CHRM3: variants seen among roughly 807,000 people sequenced by gnomAD.
CHRM3 encodes the protein muscarinic acetylcholine receptor M3.
CHRM3 carries 11 observed loss-of-function variants against 41.8 expected under a neutral mutation model. The ratio of observed to expected loss-of-function variants is 0.26; its 90% CI spans 0.17 to 0.44. The LOEUF (loss-of-function observed/expected upper bound fraction) is 0.44. Ranked by LOEUF, CHRM3 falls within the 20% of genes least tolerant of loss-of-function variation. The pLI is 1.00. For missense variants in CHRM3, 571 were observed against 745.4 expected (o/e 0.77, Z 2.72); for synonymous variants, 297 against 301.4 (o/e 0.99, Z 0.15).
At chr1:239,430,847 G>T (rs1662783366) in intron 1 of CHRM3, among the ~76,000 whole-genome samples, 1 of 151,760 alleles carries the variant, frequency 6.6e-6, no homozygotes, top group Admixed American at 6.6e-5. Context: ...TCTATAATAG[G>T]TGAATTTTGA....
intron 4 of CHRM3, among the ~76,000 whole-genome samples, chr1:239,642,355 G>C (rs1022921995): frequency 1.3e-5 from 2 of 152,056 alleles, no homozygotes; most frequent in Non-Finnish European, 2.9e-5. Flanking sequence ...ATATCCGGCA[G>C]AGTGTTTTCC....
intron 4 of CHRM3, among the ~76,000 whole-genome samples, chr1:239,655,698 C>G (rs1672649120): frequency 1.3e-5 from 2 of 152,154 alleles, no homozygotes; most frequent in African/African-American, 4.8e-5. Context: ...AGTTCATTAT[C>G]CTGGACAATC....
intron 5 of CHRM3, among the ~76,000 whole-genome samples, chr1:239,775,170 G>C (rs1053221205): frequency 6.6e-6 from 1 of 152,060 alleles, no homozygotes; most frequent in African/African-American, 2.4e-5. Flanking sequence ...CTTTTGGTAA[G>C]TTTATTTTAA....
chr1:239,485,463 T>C (rs1160978136), intron 1 of CHRM3, among the ~76,000 whole-genome samples: 3 of 152,140 alleles, frequency 2.0e-5, no homozygotes, highest in Admixed American at 6.6e-5. Flanking sequence ...TTTAAATGTT[T>C]GTAGAGATGA....
intron 3 of CHRM3, among the ~76,000 whole-genome samples, chr1:239,556,705 A>G (rs1395137768): frequency 6.6e-6 from 1 of 152,192 alleles, no homozygotes; most frequent in Non-Finnish European, 1.5e-5. Context: ...GAATACATCC[A>G]CAGCTTCCAC....
intron 6 of CHRM3, among the ~76,000 whole-genome samples, chr1:239,860,108 A>C (rs1221363680): frequency 6.6e-6 from 1 of 152,106 alleles, no homozygotes; most frequent in Non-Finnish European, 1.5e-5. Context: ...AGCCTAAAAA[A>C]TTGGCAGATG....
chr1:239,469,625 C>CT (rs1665972452), intron 1 of CHRM3, among the ~76,000 whole-genome samples: 1 of 152,070 alleles, frequency 6.6e-6, no homozygotes, highest in Non-Finnish European at 1.5e-5. Context: ...GGCACAGTCT[C>CT]GGCTCACTGC....
chr1:239,806,463 T>C (rs1572354678), intron 5 of CHRM3, among the ~76,000 whole-genome samples: 1 of 149,434 alleles, frequency 6.7e-6, no homozygotes, highest in Non-Finnish European at 1.5e-5. Flanking sequence ...CATCCAGAGA[T>C]TGTAATTGTT....
intron 5 of CHRM3, among the ~76,000 whole-genome samples, chr1:239,708,549 G>C (rs1407624535): frequency 6.6e-6 from 1 of 151,928 alleles, no homozygotes; most frequent in East Asian, 1.9e-4. Context: ...CCACCCCTGG[G>C]ACTCTCTAAA....
chr1:239,869,563 C>T (rs1324891156), intron 6 of CHRM3, among the ~76,000 whole-genome samples: 6 of 152,120 alleles, frequency 3.9e-5, no homozygotes, highest in African/African-American at 7.2e-5. Flanking sequence ...TCCCCTGTGG[C>T]GTGGCCCAGC....
chr1:239,530,052 C>T (rs1455309446), intron 2 of CHRM3, among the ~76,000 whole-genome samples: 1 of 152,058 alleles, frequency 6.6e-6, no homozygotes, highest in Non-Finnish European at 1.5e-5. Flanking sequence ...TGCCCGCCAC[C>T]ATGCCCAGCT....
intron 5 of CHRM3, among the ~76,000 whole-genome samples, chr1:239,797,530 G>A (rs1306043468): frequency 2.0e-5 from 3 of 152,148 alleles, no homozygotes; most frequent in Non-Finnish European, 4.4e-5. Flanking sequence ...GACTTTATGT[G>A]TTTGATGACT....
chr1:239,702,712 G>A (rs982517969), intron 5 of CHRM3, among the ~76,000 whole-genome samples: 7 of 152,238 alleles, frequency 4.6e-5, no homozygotes, highest in African/African-American at 9.6e-5. Flanking sequence ...CTGGGTTCAA[G>A]TGAGTCTCAT....
intron 3 of CHRM3, among the ~76,000 whole-genome samples, chr1:239,554,479 T>C (rs1007420025): frequency 2.0e-5 from 3 of 152,050 alleles, no homozygotes; most frequent in African/African-American, 2.4e-5. Flanking sequence ...TGTATGTGTG[T>C]GCACGCACGC....
In CHRM3 at chr1:239,913,328, T is replaced by C. The variant is rs1185067858; in HGVS notation, c.*4104T>C. The C allele has an allele frequency of 6.0e-6, 1 of 166,054 alleles. No homozygotes were observed. Among genetic ancestry groups the C allele is most frequent in the Non-Finnish European group, 1.5e-5 (1 of 68,114 alleles). 10.3% of individuals were successfully genotyped at this position (166,054 alleles called of 1,614,324 possible). A position where few individuals can be genotyped will look rare whatever the true frequency, so the allele number is the denominator to read the frequency against. On this transcript the variant is annotated 3_prime_UTR_variant, in exon 7 of 7. Transcript: ENST00000676153. ...TTCTCATAACAGAACTGAAACTGTA[T>C]AGATTACAACACTCCAAAGTTATTT...
intron 5 of CHRM3, among the ~76,000 whole-genome samples, chr1:239,824,252 C>T (rs757297057): frequency 2.0e-5 from 3 of 152,122 alleles, no homozygotes; most frequent in East Asian, 1.9e-4. Flanking sequence ...GTGTGAGCTA[C>T]GGCAGAGAAC....
intron 1 of CHRM3, among the ~76,000 whole-genome samples, chr1:239,390,304 A>C (rs542444342): frequency 2.2e-4 from 34 of 152,350 alleles, no homozygotes; most frequent in African/African-American, 8.2e-4. Context: ...CAAGTCCAGC[A>C]GAAGCCCTGT....
chr1:239,420,346 G>A (rs1263863385), intron 1 of CHRM3, among the ~76,000 whole-genome samples: 1 of 152,148 alleles, frequency 6.6e-6, no homozygotes, highest in Non-Finnish European at 1.5e-5. Flanking sequence ...GAGAGCGTAC[G>A]CTGAATGAAT....
intron 1 of CHRM3, among the ~76,000 whole-genome samples, chr1:239,458,444 T>C (rs1370970842): frequency 1.3e-5 from 2 of 152,004 alleles, no homozygotes; most frequent in Non-Finnish European, 2.9e-5. Flanking sequence ...AACTAAGAAA[T>C]AGAGCAGATT....
Sources: allele counts gnomAD v4.1 joint callset (sites outside exome capture counted in the v4.1 genomes callset), GRCh38; gene constraint gnomAD v4.1.1; transcripts MANE v1.5; gene names NCBI Gene and HGNC (gene_info 2026-07-23, HGNC 2026-07-21).